The following CFAP20DC variants were observed in gnomAD, a reference collection of about 807,000 sequenced individuals.
CFAP20DC encodes the protein protein CFAP20DC.
A neutral mutation model predicts 101.7 loss-of-function variants in CFAP20DC; 84 were observed. The ratio of observed to expected loss-of-function variants is 0.83; its 90% confidence interval spans 0.69 to 0.99. The LOEUF (loss-of-function observed/expected upper bound fraction) is 0.99. Ranked by LOEUF, CFAP20DC falls within the 50% of genes least tolerant of loss-of-function variation. The probability of loss-of-function intolerance (pLI) is 0.00; values close to 1 mark genes in which losing one functional copy is unlikely to be tolerated. For missense variants in CFAP20DC, 1,007 were observed against 970.3 expected (o/e 1.04, Z -0.50); for synonymous variants, 359 against 351.2 (o/e 1.02, Z -0.25).
intron 5 of CFAP20DC, among the ~76,000 whole-genome samples, chr3:58,916,746 G>C (rs1252181190): frequency 6.6e-6 from 1 of 152,088 alleles, no homozygotes; most frequent in African/African-American, 2.4e-5. Flanking sequence ...AGAGGAAACA[G>C]AAATTATTTT....
chr3:58,944,173 T>C (rs2089024763), intron 4 of CFAP20DC, among the ~76,000 whole-genome samples: 1 of 146,908 alleles, frequency 6.8e-6, no homozygotes, highest in Non-Finnish European at 1.5e-5. Flanking sequence ...TAGGAGAACT[T>C]ACCCAACCTA....
At position 58,742,471 on chromosome 3, in the gene CFAP20DC, C is replaced by T. The variant is rs759210372; in HGVS notation, c.2434G>A (p.Glu812Lys). 2 of 1,603,498 alleles carry T rather than the reference C, an allele frequency of 1.2e-6. No individual in the cohort carries two copies. Among genetic ancestry groups the T allele is most frequent in the African/African-American group, 1.3e-5 (1 of 74,634 alleles). The change falls in exon 17 of 17, where the codon GAG (glutamate) becomes AAG (lysine). Residue 812 changes from glutamate to lysine, a missense_variant. Glu to Lys is a moderately conservative substitution (Grantham distance 56). Transcript: ENST00000482387. ...YFDPQTGKYY[E>K]LV ...CCCGGAAGGAGGCATTATACCAACT[C>T]ATAGTATTTCCCTGTTTGGGGGTCA...
chr3:58,809,039 A>C, intron 14 of CFAP20DC, among the ~76,000 whole-genome samples: 1 of 152,044 alleles, frequency 6.6e-6, no homozygotes, highest in Non-Finnish European at 1.5e-5. Context: ...TATGCACCCA[A>C]TACAGGAGCA....
At chr3:59,038,813 C>A (rs1438159977) in intron 4 of CFAP20DC, among the ~76,000 whole-genome samples, 1 of 152,032 alleles carries the variant, frequency 6.6e-6, no homozygotes, top group Non-Finnish European at 1.5e-5. Context: ...ATAGAATCAT[C>A]TTCCTTAATA....
At chr3:58,723,948 GGC>G (rs2067509640) in intron 3 of CFAP20DC, among the ~76,000 whole-genome samples, 1 of 152,198 alleles carries the variant, frequency 6.6e-6, no homozygotes, top group Non-Finnish European at 1.5e-5. Context: ...AGGTGCCTTA[GGC>G]GCACATTTTT....
intron 4 of CFAP20DC, among the ~76,000 whole-genome samples, chr3:59,019,409 G>A (rs780001061): frequency 1.3e-4 from 20 of 151,858 alleles, no homozygotes; most frequent in Non-Finnish European, 2.8e-4. Flanking sequence ...ATCCTCCCAA[G>A]TGATTCTCCA....
chr3:58,923,750 T>C (rs2085647269), intron 5 of CFAP20DC, among the ~76,000 whole-genome samples: 1 of 152,190 alleles, frequency 6.6e-6, no homozygotes, highest in Non-Finnish European at 1.5e-5. Context: ...CAGCTTATGA[T>C]TTGTTGAGCT....
chr3:58,716,184 T>G (rs2067396231), downstream of CFAP20DC, among the ~76,000 whole-genome samples: 1 of 126,600 alleles, frequency 7.9e-6, no homozygotes, highest in African/African-American at 3.0e-5. Context: ...AGACGGAGTC[T>G]CGCTCTGTCG....
Position 58,884,663 on chromosome 3 carries a change from T to C in CFAP20DC, c.597A>G (p.Ile199Met), listed in dbSNP as rs974630517. 6.2e-7 allele frequency: 1 copy of C among 1,613,856 alleles called. No individual in the cohort carries two copies. ...CTGTCATTAGTTGACAGCTTCGTGG[T>C]ATAATATCTGTAGGCTCATCTGTTG... ...PFSTDEPTDI[I>M]PRSCQLMTDV... Residue 199 changes from isoleucine (I) to methionine (M), a missense_variant, in exon 7 of 17, where the codon ATA (isoleucine) becomes ATG (methionine). Transcript: ENST00000482387.
intron 6 of CFAP20DC, among the ~76,000 whole-genome samples, chr3:58,900,354 G>A (rs896691728): frequency 3.9e-5 from 6 of 152,186 alleles, no homozygotes; most frequent in African/African-American, 1.4e-4. Context: ...CAGCTGCCAC[G>A]TCTTCCCTTT....
In CFAP20DC at chr3:58,894,100, C is replaced by T. The variant is rs889384936; in HGVS notation, c.551-9391G>A. On this transcript the variant is annotated intron_variant, in intron 6 of 16. Coordinates refer to ENST00000482387, the MANE Select transcript of CFAP20DC (RefSeq NM_001394063.1). The surrounding 1 kb of genome is among the most constrained non-coding windows in gnomAD (Gnocchi z 4.1). The stretch of plus-strand genomic sequence containing the variant: ...TGCAATTACCTCCTACTGAGTCCCT[C>T]CCACAACACGTGGGAATTCAAGATG... Among the ~76,000 whole-genome samples, 12 of 152,164 alleles carry T rather than the reference C, an allele frequency of 7.9e-5. No individual in the cohort carries two copies. The highest frequency in any genetic ancestry group is 1.5e-4 in the Non-Finnish European group (10 of 68,024).
intron 14 of CFAP20DC, among the ~76,000 whole-genome samples, chr3:58,817,144 C>T (rs2075250379): frequency 6.6e-6 from 1 of 152,016 alleles, no homozygotes; most frequent in East Asian, 2.0e-4. Context: ...ATCTGTACAT[C>T]ACCATCATCA....
intron 4 of CFAP20DC, among the ~76,000 whole-genome samples, chr3:58,959,940 T>C (rs1208756555): frequency 2.6e-5 from 4 of 152,346 alleles, no homozygotes; most frequent in Admixed American, 2.0e-4. Context: ...ATTTTCAGCA[T>C]ACAAATCTTG....
At chr3:58,831,644 C>G (rs772549736) in intron 14 of CFAP20DC, 42 bp downstream of exon 14, 26 of 1,569,394 alleles carry the variant, frequency 1.7e-5, no homozygotes, top group Non-Finnish European at 2.3e-5. Context: ...AAGCTTGCTC[C>G]TTGTTAAGCA....
At chr3:58,758,618 A>G (rs1432573689) in intron 15 of CFAP20DC, among the ~76,000 whole-genome samples, 1 of 152,076 alleles carries the variant, frequency 6.6e-6, no homozygotes, top group Non-Finnish European at 1.5e-5. Context: ...CACATGTGCC[A>G]TGTTGGTGTG....
chr3:58,808,321 C>T (rs952977731), intron 14 of CFAP20DC, among the ~76,000 whole-genome samples: 4 of 152,144 alleles, frequency 2.6e-5, no homozygotes, highest in African/African-American at 4.8e-5. Context: ...AGAGAAAGGT[C>T]GGGGTACCCA....
intron 14 of CFAP20DC, among the ~76,000 whole-genome samples, chr3:58,810,074 CA>C (rs2074480200): frequency 6.6e-6 from 1 of 152,114 alleles, no homozygotes; most frequent in Non-Finnish European, 1.5e-5. Context: ...GCTTACCAAT[CA>C]AAAAGAATCC....
Position 58,899,101 on chromosome 3 carries a change from C to T in CFAP20DC, c.551-14392G>A, listed in dbSNP as rs1478827323. Among the ~76,000 whole-genome samples the T allele has an allele frequency of 6.6e-6, 1 of 152,172 alleles. No homozygotes were observed. The highest frequency in any genetic ancestry group is 2.4e-5 in the African/African-American group (1 of 41,438). On this transcript the variant is annotated intron_variant, in intron 6 of 16. Coordinates refer to ENST00000482387, the MANE Select transcript of CFAP20DC (RefSeq NM_001394063.1). This position sits in a 1 kb window ranked among gnomAD's most constrained non-coding sequence, Gnocchi z 5.0. The stretch of plus-strand genomic sequence containing the variant: ...CAGGGGGGTACTGACCTGTTGCCAG[C>T]CTGAACTGCACCTGTAGGAGGAGGC...
At chr3:58,974,665 A>G (rs1443133553) in intron 4 of CFAP20DC, among the ~76,000 whole-genome samples, 1 of 152,160 alleles carries the variant, frequency 6.6e-6, no homozygotes, top group African/African-American at 2.4e-5. Context: ...CCCATGGAAC[A>G]TAGGCTGTAC....
Sources: gnomAD v4.1 joint callset for allele counts (sites outside exome capture counted in the v4.1 genomes callset) on GRCh38, gnomAD v4.1.1 for gene constraint, Gnocchi (gnomAD v3.1) non-coding constraint, MANE v1.5 for transcripts, NCBI Gene and HGNC (gene_info 2026-07-23, HGNC 2026-07-21) for gene names.